EGFLAM: variants seen among roughly 807,000 people sequenced by gnomAD.
EGFLAM encodes the protein EGF like, fibronectin type III and laminin G domains.
In EGFLAM, 79 loss-of-function variants were observed where a neutral mutation model predicts 113.1. That is an observed-to-expected ratio of 0.70 (90% CI 0.58 to 0.84). The LOEUF (loss-of-function observed/expected upper bound fraction) is 0.84, where lower values mean the gene tolerates loss of function less well. EGFLAM is among the 40% of genes least tolerant of loss of function. The probability of loss-of-function intolerance (pLI) is 0.00; values close to 1 mark genes in which losing one functional copy is unlikely to be tolerated. For synonymous variants in EGFLAM, 504 were observed against 487.6 expected (o/e 1.03, Z -0.44); for missense variants, 1,265 against 1,291.6 (o/e 0.98, Z 0.32).
intron 1 of EGFLAM, among the ~76,000 whole-genome samples, chr5:38,267,431 A>G (rs982191154): frequency 1.3e-5 from 2 of 152,250 alleles, no homozygotes; most frequent in African/African-American, 4.8e-5. Flanking sequence ...ACAGATGGCT[A>G]ATTTGATTGA....
intron 1 of EGFLAM, among the ~76,000 whole-genome samples, chr5:38,279,336 A>G (rs1198390567): frequency 6.6e-6 from 1 of 152,150 alleles, no homozygotes; most frequent in Non-Finnish European, 1.5e-5. Flanking sequence ...TAATAGAACT[A>G]CCATATGAAC....
intron 17 of EGFLAM, among the ~76,000 whole-genome samples, chr5:38,439,437 G>A (rs965116322): frequency 6.6e-6 from 1 of 151,786 alleles, no homozygotes; most frequent in African/African-American, 2.4e-5. Context: ...AGCCTCTGAA[G>A]GAATGTGCAC....
In EGFLAM at chr5:38,363,567, A is replaced by C. The variant is rs559376650; in HGVS notation, c.546-6729A>C. ...ATGGTTGCACATATCTCAAAATACC[A>C]GTTATGTTTATCACTACTTTGAAAT... On this transcript the variant is annotated intron_variant, in intron 5 of 21. Coordinates refer to ENST00000322350, the MANE Select transcript of EGFLAM (RefSeq NM_152403.4). Among the ~76,000 whole-genome samples, 287 of 152,302 alleles carry C rather than the reference A, an allele frequency of 1.9e-3. 1 individual carries two copies. Among genetic ancestry groups the C allele is most frequent in the Middle Eastern group, 3.4e-3 (1 of 294 alleles).
intron 1 of EGFLAM, among the ~76,000 whole-genome samples, chr5:38,263,390 A>G (rs1757551908): frequency 6.6e-6 from 1 of 152,196 alleles, no homozygotes; most frequent in Non-Finnish European, 1.5e-5. Flanking sequence ...TTACCCTCAG[A>G]GAGGGAGGTT....
At chr5:38,274,933 C>T (rs1352881740) in intron 1 of EGFLAM, among the ~76,000 whole-genome samples, 2 of 152,238 alleles carry the variant, frequency 1.3e-5, no homozygotes, top group Non-Finnish European at 2.9e-5. Flanking sequence ...TAAATTGTGA[C>T]ATCAAACATT....
intron 1 of EGFLAM, among the ~76,000 whole-genome samples, chr5:38,299,668 A>G (rs1758527104): frequency 6.6e-6 from 1 of 152,162 alleles, no homozygotes; most frequent in East Asian, 1.9e-4. Flanking sequence ...ATCATTTACC[A>G]GAGGTCATCT....
chr5:38,328,651 T>C (rs1386269262), intron 1 of EGFLAM, among the ~76,000 whole-genome samples: 1 of 151,978 alleles, frequency 6.6e-6, no homozygotes, highest in African/African-American at 2.4e-5. Context: ...ACATCTCAAT[T>C]TTTGAAATGT....
intron 6 of EGFLAM, among the ~76,000 whole-genome samples, chr5:38,389,602 G>T (rs58996223): frequency 6.6e-6 from 1 of 152,112 alleles, no homozygotes; most frequent in African/African-American, 2.4e-5. Context: ...TCTCTAAGCT[G>T]AAACATTAGT....
At chr5:38,366,014 T>C (rs1740049568) in intron 5 of EGFLAM, among the ~76,000 whole-genome samples, 1 of 152,200 alleles carries the variant, frequency 6.6e-6, no homozygotes, top group African/African-American at 2.4e-5. Flanking sequence ...CATTGGCTTC[T>C]CTGTAAGAAA....
intron 1 of EGFLAM, among the ~76,000 whole-genome samples, chr5:38,336,329 T>C (rs1344859961): frequency 6.6e-6 from 1 of 152,144 alleles, no homozygotes; most frequent in Admixed American, 6.5e-5. Flanking sequence ...ATCCCAGCAC[T>C]TTGGGAGGCC....
At chr5:38,321,954 A>G (rs1420958149) in intron 1 of EGFLAM, among the ~76,000 whole-genome samples, 2 of 152,258 alleles carry the variant, frequency 1.3e-5, no homozygotes, top group African/African-American at 4.8e-5. Context: ...ACAAATATAT[A>G]GTACACTTTC....
intron 3 of EGFLAM, among the ~76,000 whole-genome samples, chr5:38,348,049 TGA>T (rs59761113): frequency 5.6e-4 from 82 of 146,788 alleles, no homozygotes; most frequent in Admixed American, 1.1e-3. Context: ...CCTTGGGTAA[TGA>T]GAGAGAGAGA....
chr5:38,264,817 GCTAGGGAC>G (rs1402300609), intron 1 of EGFLAM, among the ~76,000 whole-genome samples: 5 of 152,298 alleles, frequency 3.3e-5, no homozygotes, highest in Admixed American at 3.3e-4. Flanking sequence ...GAAGCTAGGT[GCTAGGGAC>G]CTAGCACACT....
intron 1 of EGFLAM, among the ~76,000 whole-genome samples, chr5:38,326,783 C>T (rs1397234377): frequency 9.3e-5 from 14 of 150,684 alleles, no homozygotes; most frequent in East Asian, 2.0e-4. Context: ...TGAGCCACCG[C>T]GCCTGGCCCG....
At chr5:38,301,042 G>T (rs1430911544) in intron 1 of EGFLAM, among the ~76,000 whole-genome samples, 2 of 152,156 alleles carry the variant, frequency 1.3e-5, no homozygotes, top group Admixed American at 1.3e-4. Context: ...TGGAGGTGTT[G>T]TTACATGGGA....
intron 1 of EGFLAM, among the ~76,000 whole-genome samples, chr5:38,302,399 T>A (rs889108293): frequency 3.3e-5 from 5 of 152,148 alleles, no homozygotes; most frequent in Non-Finnish European, 7.4e-5. Context: ...ATCCTCCTGC[T>A]CCATGACCTT....
intron 5 of EGFLAM, among the ~76,000 whole-genome samples, chr5:38,358,949 T>C (rs1253363537): frequency 6.6e-6 from 1 of 152,212 alleles, no homozygotes; most frequent in Admixed American, 6.5e-5. Flanking sequence ...GGAGAATATT[T>C]CTTTTCTAAA....
intron 17 of EGFLAM, among the ~76,000 whole-genome samples, chr5:38,442,386 C>A (rs1478728315): frequency 2.1e-5 from 3 of 145,414 alleles, no homozygotes; most frequent in African/African-American, 7.5e-5. Flanking sequence ...ATATTTAATA[C>A]TAAATATGAA....
Position 38,370,397 on chromosome 5 carries a change from T to C in EGFLAM, c.647T>C (p.Val216Ala), listed in dbSNP as rs762759293. 2 of 1,614,196 alleles carry C rather than the reference T, an allele frequency of 1.2e-6. No individual in the cohort carries two copies. The highest frequency in any genetic ancestry group is 1.7e-6 in the Non-Finnish European group (2 of 1,180,040). The change falls in exon 6 of 22, where the codon GTG (valine) becomes GCG (alanine). Residue 216 changes from valine (V) to alanine (A), a missense_variant. Physicochemically the swap from Val to Ala is moderately conservative, Grantham distance 64. Transcript: ENST00000322350. ...LDPDTNYQFA[V>A]RAMNSHGPSP... is the part of the protein sequence containing the mutation. ...CCAGATACCAACTACCAGTTTGCCG[T>C]GAGGGCAATGAATTCCCATGGCCCC...
Sources: gnomAD v4.1 joint callset for allele counts (sites outside exome capture counted in the v4.1 genomes callset) on GRCh38, gnomAD v4.1.1 for gene constraint, MANE v1.5 for transcripts, NCBI Gene and HGNC (gene_info 2026-07-23, HGNC 2026-07-21) for gene names.